The following ZNF451 variants were observed in gnomAD, a reference collection of about 807,000 sequenced individuals.
ZNF451 encodes E3 SUMO-protein ligase ZNF451.
A neutral mutation model predicts 107.1 loss-of-function variants in ZNF451; 80 were observed. The observed-to-expected ratio is 0.75, with a 90% CI of 0.62 to 0.90. The LOEUF (loss-of-function observed/expected upper bound fraction) is 0.90. Among genes scored for constraint, ZNF451 ranks in the 40% least tolerant of loss-of-function variants. ZNF451 has a pLI of 0.00. For synonymous variants in ZNF451, 362 were observed against 406.5 expected (o/e 0.89, Z 1.32); for missense variants, 1,107 against 1,236.2 (o/e 0.90, Z 1.57).
intron 3 of ZNF451, among the ~76,000 whole-genome samples, chr6:57,117,431 A>G (rs1830426949): frequency 6.6e-6 from 1 of 152,116 alleles, no homozygotes; most frequent in Non-Finnish European, 1.5e-5. Context: ...TGTAGTAAAT[A>G]ATGACAATCC....
At chr6:57,145,335 T>G (rs935074218) in intron 9 of ZNF451, among the ~76,000 whole-genome samples, 1 of 152,146 alleles carries the variant, frequency 6.6e-6, no homozygotes, top group African/African-American at 2.4e-5. Context: ...GGGGTACGAG[T>G]GCAGTTTTGT....
intron 7 of ZNF451, among the ~76,000 whole-genome samples, chr6:57,139,505 C>T (rs1456476421): frequency 1.3e-5 from 2 of 152,088 alleles, no homozygotes; most frequent in Non-Finnish European, 2.9e-5. Context: ...ACTACACAAA[C>T]TATACTGATG....
chr6:57,159,593 A>C (rs1238274855), intron 13 of ZNF451: 1 of 120,538 alleles, frequency 8.3e-6, no homozygotes, highest in African/African-American at 3.7e-5. Context: ...AGTGTATTTT[A>C]TGTGTGGCCC....
At chr6:57,099,251 AT>A in intron 3 of ZNF451, 110 bp downstream of exon 3, 2 of 855,012 alleles carry the variant, frequency 2.3e-6, no homozygotes, top group Non-Finnish European at 3.8e-6. Flanking sequence ...AGCCAGTTCT[AT>A]TAGAATGGGC....
intron 3 of ZNF451, chr6:57,104,649 A>AT: frequency 2.0e-6 from 2 of 985,062 alleles, no homozygotes; most frequent in African/African-American, 1.7e-5. Context: ...CACCTTAACC[A>AT]TTTTTTAAGC....
chr6:57,164,583 T>G (rs1027602361), intron 14 of ZNF451, among the ~76,000 whole-genome samples: 10 of 152,236 alleles, frequency 6.6e-5, no homozygotes, highest in African/African-American at 2.4e-4. Flanking sequence ...TGCCTTATTC[T>G]GAGAATTCCT....
At chr6:57,139,479 G>A (rs942025491) in intron 7 of ZNF451, among the ~76,000 whole-genome samples, 1 of 151,986 alleles carries the variant, frequency 6.6e-6, no homozygotes. Flanking sequence ...CTCTCTTCTG[G>A]TTGCATCTCA....
chr6:57,099,096 T>C lies in ZNF451; in HGVS notation c.141T>C (p.Asp47=), dbSNP rs578011996. 3.1e-6 allele frequency: 5 copies of C among 1,613,772 alleles called. No individual in the cohort carries two copies. In the East Asian group the frequency reaches 1.1e-4, roughly 36 times the overall value. Residue 47 remains aspartate, a synonymous_variant, in exon 3 of 15, where the codon GAT becomes GAC. Coordinates refer to ENST00000370706, the MANE Select transcript of ZNF451 (RefSeq NM_001031623.3). ...TACGACCTGTTCTTGAATACATTGA[T>C]CTGGTCAGCAGTGATGATGAAGAGC... ...GPLRPVLEYI[D]LVSSDDEEPS...
chr6:57,167,371 T>C (rs1000058192), intron 14 of ZNF451, among the ~76,000 whole-genome samples: 2 of 152,172 alleles, frequency 1.3e-5, no homozygotes, highest in African/African-American at 4.8e-5. Context: ...ACATTATTAG[T>C]TACTGTAACT....
At chr6:57,093,969 G>C (rs1243876469) in intron 2 of ZNF451, among the ~76,000 whole-genome samples, 1 of 152,192 alleles carries the variant, frequency 6.6e-6, no homozygotes, top group Non-Finnish European at 1.5e-5. Flanking sequence ...TCTATATGGG[G>C]GGAAAAATGA....
chr6:57,096,898 C>T (rs1197831894), intron 2 of ZNF451, among the ~76,000 whole-genome samples: 1 of 150,066 alleles, frequency 6.7e-6, no homozygotes. Context: ...GCCTCAGCCT[C>T]CTGGGTAGCT....
At chr6:57,164,891 A>T (rs540649904) in intron 14 of ZNF451, 1 of 152,156 alleles carries the variant, frequency 6.6e-6, no homozygotes, top group African/African-American at 2.4e-5. Flanking sequence ...ATTTTTCACA[A>T]TTGCTCTTTA....
intron 3 of ZNF451, chr6:57,103,489 T>C: frequency 1.0e-6 from 1 of 985,394 alleles, no homozygotes; most frequent in Non-Finnish European, 1.2e-6. Context: ...CAATTATATG[T>C]CCCACAGTAT....
Position 57,133,092 on chromosome 6 carries a change from G to A in ZNF451, c.475G>A (p.Gly159Arg), listed in dbSNP as rs764049654. Residue 159 changes from glycine to arginine, a missense_variant, in exon 6 of 15, where the codon GGA becomes AGA. By Grantham distance (125) the Gly-to-Arg change is moderately radical (BLOSUM62 -2). Around this residue, in one of 5 missense-constraint regions of ZNF451, gnomAD observed 339 missense variants for 372.8 expected, o/e 0.91. Coordinates refer to ENST00000370706, the MANE Select transcript of ZNF451 (RefSeq NM_001031623.3). ...NCGTKSSFRR[G>R]GHTWVSGKPI... ...TGGAACAAAAAGTTCATTCCGAAGAGGAGGCCACACGTGGGTGTCTGGGAA... is the reference window on the plus strand; with the variant it reads ...TGGAACAAAAAGTTCATTCCGAAGAAGAGGCCACACGTGGGTGTCTGGGAA... The A allele has an allele frequency of 3.3e-5, 54 of 1,614,020 alleles. No homozygotes were observed. Among genetic ancestry groups the A allele is most frequent in the Non-Finnish European group, 4.4e-5 (52 of 1,180,016 alleles).
rs753312393 is a variant in ZNF451, at chr6:57,106,608, G to GA, written c.186+7470dup. 8.3e-6 allele frequency: 7 copies of GA among 847,600 alleles called. No homozygotes were observed. In the South Asian group the frequency reaches 1.6e-4, roughly 19 times the overall value. 52.5% of individuals were successfully genotyped at this position (847,600 alleles called of 1,614,324 possible). A position where few individuals can be genotyped will look rare whatever the true frequency, so the allele number is the denominator to read the frequency against. The stretch of plus-strand genomic sequence containing the variant: ...GGCGTGAGCCACCGCGCCTGGCTGT[G>GA]AAATTTTTTTTTTTTTTTTTTTTAT... On this transcript the variant is annotated intron_variant, in intron 3 of 14. Transcript: ENST00000370706.
intron 14 of ZNF451, among the ~76,000 whole-genome samples, chr6:57,161,595 T>G (rs1763676402): frequency 6.6e-6 from 1 of 152,094 alleles, no homozygotes; most frequent in African/African-American, 2.4e-5. Flanking sequence ...TTGAGTAGTA[T>G]TAAGAGTATT....
At chr6:57,104,820 G>T in intron 3 of ZNF451, 1 of 985,358 alleles carries the variant, frequency 1.0e-6, no homozygotes. Context: ...ATGCCCAAGT[G>T]TCTCCAGATA....
At chr6:57,166,454 T>G (rs892651733) in intron 14 of ZNF451, among the ~76,000 whole-genome samples, 10 of 152,210 alleles carry the variant, frequency 6.6e-5, no homozygotes, top group African/African-American at 2.4e-4. Context: ...CACAAACACT[T>G]TGTACAGCTA....
intron 8 of ZNF451, 32 bp downstream of exon 8, chr6:57,141,487 AACT>A: frequency 1.3e-6 from 2 of 1,568,872 alleles, no homozygotes. Flanking sequence ...CTGAAAATTA[AACT>A]ACTTGAATCT....
Sources: allele counts gnomAD v4.1 joint callset (sites outside exome capture counted in the v4.1 genomes callset), GRCh38; gene constraint gnomAD v4.1.1; regional missense constraint gnomAD v4.1.1; transcripts MANE v1.5; gene names NCBI Gene and HGNC (gene_info 2026-07-23, HGNC 2026-07-21).